Variants in IL1RAPL2 observed in about 807,000 individuals in gnomAD.
The protein encoded by IL1RAPL2 is X-linked interleukin-1 receptor accessory protein-like 2.
IL1RAPL2 carries 3 observed loss-of-function variants against 44.1 expected under a neutral mutation model. The ratio of observed to expected loss-of-function variants is 0.07; its 90% confidence interval spans 0.03 to 0.18. The LOEUF is 0.18. IL1RAPL2 is among the 10% of genes least tolerant of loss of function. IL1RAPL2 has a pLI of 1.00. For missense variants in IL1RAPL2, 391 were observed against 496.4 expected, an observed-to-expected ratio of 0.79 and a Z score of 2.02; for synonymous variants, 181 against 178.8, an observed-to-expected ratio of 1.01 and a Z score of -0.10.
At chrX:105,189,964 T>G (rs1340480314) in intron 2 of IL1RAPL2, among the ~76,000 whole-genome samples, 1 of 111,993 alleles carries the variant, frequency 8.9e-6, no homozygotes, top group Non-Finnish European at 1.9e-5. Flanking sequence ...GTGTCTAACT[T>G]ATTTGGGTTA....
At chrX:105,245,350 G>A (rs933490232) in intron 4 of IL1RAPL2, among the ~76,000 whole-genome samples, 6 of 111,662 alleles carry the variant, frequency 5.4e-5, no homozygotes, top group Non-Finnish European at 7.5e-5. Flanking sequence ...GTGCCTGCAC[G>A]TAATCACAGC....
chrX:105,390,096 T>G (rs368825755), intron 5 of IL1RAPL2, among the ~76,000 whole-genome samples: 4 of 112,010 alleles, frequency 3.6e-5, no homozygotes, highest in African/African-American at 1.3e-4. Flanking sequence ...TTCATTATGT[T>G]TCCATGTCTC....
chrX:105,279,043 T>G (rs2034508066), intron 5 of IL1RAPL2, among the ~76,000 whole-genome samples: 1 of 111,745 alleles, frequency 8.9e-6, no homozygotes. Context: ...CCACATTGCC[T>G]GATACTAATT....
At chrX:105,761,192 A>G (rs1348180275) in intron 10 of IL1RAPL2, among the ~76,000 whole-genome samples, 1 of 104,364 alleles carries the variant, frequency 9.6e-6, no homozygotes, top group Non-Finnish European at 1.9e-5. Flanking sequence ...AAAAAAAAAA[A>G]AAGAAAAAGA....
At chrX:104,733,018 A>G (rs1276602027) in intron 2 of IL1RAPL2, among the ~76,000 whole-genome samples, 1 of 111,931 alleles carries the variant, frequency 8.9e-6, no homozygotes, top group Admixed American at 9.5e-5. Flanking sequence ...TAAAGAAAAA[A>G]GTAATATAAC....
At chrX:104,866,053 CTGTT>C (rs1922605965) in intron 2 of IL1RAPL2, among the ~76,000 whole-genome samples, 1 of 112,314 alleles carries the variant, frequency 8.9e-6, no homozygotes, top group Non-Finnish European at 1.9e-5. Context: ...CACAATCTGT[CTGTT>C]ATTTATAATG....
At chrX:105,220,179 G>A in intron 3 of IL1RAPL2, 1 of 1,211,248 alleles carries the variant, frequency 8.3e-7, no homozygotes, top group Non-Finnish European at 1.1e-6. Flanking sequence ...GCACTCCCAA[G>A]GCCAGGCTGC....
At chrX:105,219,255 G>A (rs782135886) in intron 3 of IL1RAPL2, 3 of 1,211,055 alleles carry the variant, frequency 2.5e-6, no homozygotes, top group East Asian at 5.9e-5. Context: ...TAGTGGGTAT[G>A]TCTGAGAAGG....
chrX:104,592,963 C>T (rs775378287), intron 1 of IL1RAPL2, among the ~76,000 whole-genome samples: 1 of 111,493 alleles, frequency 9.0e-6, no homozygotes, highest in Non-Finnish European at 1.9e-5. Flanking sequence ...ATCCCATCTC[C>T]CATGATATCT....
intron 6 of IL1RAPL2, among the ~76,000 whole-genome samples, chrX:105,534,274 T>C (rs1024074857): frequency 8.9e-5 from 10 of 111,762 alleles, no homozygotes; most frequent in Non-Finnish European, 1.5e-4. Context: ...AATTTATATT[T>C]CTAATTAAGG....
At chrX:104,897,762 G>T (rs769985331) in intron 2 of IL1RAPL2, among the ~76,000 whole-genome samples, 45 of 112,139 alleles carry the variant, frequency 4.0e-4, no homozygotes, top group African/African-American at 1.5e-3. Context: ...TATAGTGCCT[G>T]TGACCTTGAT....
At chrX:105,559,359 C>T (rs924009738) in intron 6 of IL1RAPL2, among the ~76,000 whole-genome samples, 2 of 112,324 alleles carry the variant, frequency 1.8e-5, no homozygotes, top group African/African-American at 6.5e-5. Flanking sequence ...ACATATCTGA[C>T]AAGTTCTGAA....
intron 5 of IL1RAPL2, among the ~76,000 whole-genome samples, chrX:105,323,007 C>T (rs186882519): frequency 8.1e-5 from 9 of 111,592 alleles, no homozygotes; most frequent in Admixed American, 2.9e-4. Flanking sequence ...TCATTTTTTC[C>T]GGGAGCCAGT....
intron 6 of IL1RAPL2, among the ~76,000 whole-genome samples, chrX:105,646,366 T>C (rs1349779212): frequency 1.8e-5 from 2 of 111,908 alleles, no homozygotes; most frequent in Admixed American, 9.5e-5. Flanking sequence ...ATATTCTTTT[T>C]CTTAATGGTT....
intron 6 of IL1RAPL2, among the ~76,000 whole-genome samples, chrX:105,557,419 A>C (rs1335554359): frequency 8.9e-6 from 1 of 111,863 alleles, no homozygotes; most frequent in African/African-American, 3.2e-5. Context: ...TGAAAGAAAT[A>C]CCTCGAATCT....
At chrX:105,008,302 G>A (rs754745341) in intron 2 of IL1RAPL2, among the ~76,000 whole-genome samples, 81 of 111,401 alleles carry the variant, frequency 7.3e-4, no homozygotes, top group South Asian at 3.0e-3. Context: ...TCATGGCCCA[G>A]TCACCTCCCA....
At chrX:104,847,206 C>T (rs182879045) in intron 2 of IL1RAPL2, among the ~76,000 whole-genome samples, 30 of 111,987 alleles carry the variant, frequency 2.7e-4, no homozygotes, top group African/African-American at 8.1e-4. Context: ...AATTAGATCC[C>T]ATTTGTTAAT....
chrX:105,405,304 C>T (rs2035635122), intron 5 of IL1RAPL2, among the ~76,000 whole-genome samples: 1 of 111,526 alleles, frequency 9.0e-6, no homozygotes, highest in Non-Finnish European at 1.9e-5. Flanking sequence ...GATTTGGTAA[C>T]ATAAGATTAA....
intron 1 of IL1RAPL2, among the ~76,000 whole-genome samples, chrX:104,594,222 A>C (rs1195323171): frequency 8.9e-6 from 1 of 112,218 alleles, no homozygotes; most frequent in Non-Finnish European, 1.9e-5. Context: ...TAGTATGTAA[A>C]CAAGCAATAA....
Sources: gnomAD v4.1 joint callset for allele counts (sites outside exome capture counted in the v4.1 genomes callset) on GRCh38, gnomAD v4.1.1 for gene constraint, MANE v1.5 for transcripts, NCBI Gene and HGNC (gene_info 2026-07-23, HGNC 2026-07-21) for gene names.